MMD: variants seen among roughly 807,000 people sequenced by gnomAD.
MMD encodes monocyte to macrophage differentiation factor.
In MMD, 22 loss-of-function variants were observed where a neutral mutation model predicts 33.6. The observed-to-expected ratio is 0.66, with a 90% CI of 0.47 to 0.94. MMD has a LOEUF of 0.94. Ranked by LOEUF, MMD falls within the 40% of genes least tolerant of loss-of-function variation. The pLI is 0.00. For missense variants in MMD, 242 were observed against 309.8 expected (o/e 0.78, Z 1.64); for synonymous variants, 97 against 103.2 (o/e 0.94, Z 0.36).
chr17:55,404,636 CAA>C lies in MMD; in HGVS notation c.345-770_345-769del, dbSNP rs1416002183. The C allele has an allele frequency of 2.9e-5, 29 of 984,832 alleles. No homozygotes were observed. In the African/African-American group the frequency reaches 4.2e-4, roughly 14 times the overall value. 61.0% of individuals were successfully genotyped at this position (984,832 alleles called of 1,614,324 possible). ...GTGTCTCCATTATCAGTCTCTCTGC[CAA>C]GAGAGAGTATGAGAAGAATTATTCC... On this transcript the variant is annotated intron_variant, in intron 4 of 6. Transcript: ENST00000262065.
At chr17:55,397,275 C>T (rs973614898) in intron 6 of MMD, among the ~76,000 whole-genome samples, 6 of 151,772 alleles carry the variant, frequency 4.0e-5, no homozygotes, top group Non-Finnish European at 8.8e-5. Context: ...GATTCTCCTG[C>T]CTCAGCCTCC....
chr17:55,401,618 TA>T lies in MMD; in HGVS notation c.447-81del, dbSNP rs1023927073. The stretch of plus-strand genomic sequence containing the variant: ...AATTTACATACCAGCCTTTCCTTTT[TA>T]CTTTTGAGAAAGAAATGTAAACTCT... On this transcript the variant is annotated intron_variant, in intron 5 of 6. Transcript: ENST00000262065. The T allele has an allele frequency of 5.8e-6, 7 of 1,206,334 alleles. No homozygotes were observed. The African/African-American group carries it at 1.1e-4, about 19-fold the overall frequency. 74.7% of individuals were successfully genotyped at this position (1,206,334 alleles called of 1,614,324 possible).
intron 2 of MMD, 51 bp from the exon 3 acceptor site, chr17:55,411,468 T>C (rs746885558): frequency 6.5e-7 from 1 of 1,534,246 alleles, no homozygotes; most frequent in South Asian, 1.3e-5. Context: ...TTTTATGGAA[T>C]TGAGTCTTTT....
chr17:55,404,720 T>C (rs1397267981), intron 4 of MMD: 1 of 985,184 alleles, frequency 1.0e-6, no homozygotes, highest in African/African-American at 1.7e-5. Context: ...GTTGTGAGGT[T>C]TGAATTTTAA....
chr17:55,417,743 G>C (rs1452996273), intron 1 of MMD, among the ~76,000 whole-genome samples: 1 of 152,174 alleles, frequency 6.6e-6, no homozygotes, highest in Non-Finnish European at 1.5e-5. Context: ...CTGCAACAGT[G>C]AGTTGTGATG....
At chr17:55,397,165 T>A (rs115379435) in intron 6 of MMD, among the ~76,000 whole-genome samples, 2 of 152,134 alleles carry the variant, frequency 1.3e-5, no homozygotes, top group African/African-American at 2.4e-5. Context: ...CCTGGTTTAT[T>A]TATTTATTTA....
chr17:55,394,432 T>C lies in MMD; in HGVS notation c.619A>G (p.Ile207Val), dbSNP rs780432368. ...GCCGTGGCCACAAACAGGTGCCAGA[T>C]GGCGTGGGCAAATGGAATGATGCCA... ...SDGIIPFAHA[I>V]WHLFVATAAA... The change falls in exon 7 of 7, where the codon ATC (isoleucine) becomes GTC (valine). Residue 207 changes from isoleucine (I) to valine (V), a missense_variant. Ile to Val is a conservative substitution (Grantham distance 29, BLOSUM62 3). Coordinates refer to ENST00000262065, the MANE Select transcript of MMD (RefSeq NM_012329.3). The C allele has an allele frequency of 2.0e-6, 3 of 1,525,184 alleles. No individual in the cohort carries two copies. The highest frequency in any genetic ancestry group is 1.8e-6 in the Non-Finnish European group (2 of 1,141,578). The allele number at this position is 1,525,184 out of a possible 1,614,324, so 94.5% of individuals were successfully genotyped here. A position where few individuals can be genotyped will look rare whatever the true frequency, so the allele number is the denominator to read the frequency against.
rs755956591 is a variant in MMD, at chr17:55,421,745, G to A, written c.-50C>T. The A allele has an allele frequency of 1.9e-6, 3 of 1,559,704 alleles. No homozygotes were observed. The highest frequency in any genetic ancestry group is 2.4e-5 in the East Asian group (1 of 41,492). Reference sequence around the variant, plus strand: ...CCAGGAGCTCCGTCTCGTCAGCACCGGCGGCCGGGCGCGCGGCCCTCATGG... The same window carrying A: ...CCAGGAGCTCCGTCTCGTCAGCACCAGCGGCCGGGCGCGCGGCCCTCATGG... On this transcript the variant is annotated 5_prime_UTR_variant, in exon 1 of 7. Coordinates refer to ENST00000262065, the MANE Select transcript of MMD (RefSeq NM_012329.3).
intron 1 of MMD, among the ~76,000 whole-genome samples, chr17:55,416,458 C>A (rs1306150626): frequency 1.3e-5 from 2 of 152,146 alleles, no homozygotes; most frequent in African/African-American, 4.8e-5. Flanking sequence ...TCCTGATGCA[C>A]AGGGTAAGAC....
At position 55,394,340 on chromosome 17, in the gene MMD, A is replaced by G. The variant is rs1907020909; in HGVS notation, c.711T>C (p.His237=). The G allele has an allele frequency of 7.3e-7, 1 of 1,374,260 alleles. No individual in the cohort carries two copies. Among genetic ancestry groups the G allele is most frequent in the African/African-American group, 1.5e-5 (1 of 67,110 alleles). 85.1% of individuals were successfully genotyped at this position (1,374,260 alleles called of 1,614,324 possible). The change falls in exon 7 of 7, where the codon CAT becomes CAC. Residue 237 remains histidine (H), a synonymous_variant. Coordinates refer to ENST00000262065, the MANE Select transcript of MMD (RefSeq NM_012329.3). Reference sequence around the variant, plus strand: ...GAGAATTAGTACAGATTGGTCATAAATGCCGCATAAAGTCCGTAGGACTTC... The same window carrying G: ...GAGAATTAGTACAGATTGGTCATAAGTGCCGCATAAAGTCCGTAGGACTTC... The part of the protein sequence containing the change: ...LYRSPTDFMR[H]L
At position 55,414,209 on chromosome 17, in the gene MMD, G is replaced by T. The variant is rs761422712; in HGVS notation, c.50C>A (p.Ala17Asp). The T allele has an allele frequency of 6.2e-7, 1 of 1,613,868 alleles. No individual in the cohort carries two copies. Among genetic ancestry groups the T allele is most frequent in the Non-Finnish European group, 8.5e-7 (1 of 1,179,814 alleles). The change falls in exon 2 of 7, where the codon GCC becomes GAC. Residue 17 changes from alanine to aspartate, a missense_variant. By Grantham distance (126) the Ala-to-Asp change is moderately radical. Coordinates refer to ENST00000262065, the MANE Select transcript of MMD (RefSeq NM_012329.3). ...FQRFMNHRAP[A>D]NGRYKPTCYE... ...GCAAGTTGGCTTGTAGCGGCCATTG[G>T]CTGGAGCTCGATGGTTCATGAACCT... is the stretch of plus-strand genomic sequence containing the variant.
chr17:55,414,819 C>T (rs941455299), intron 1 of MMD, among the ~76,000 whole-genome samples: 1 of 152,164 alleles, frequency 6.6e-6, no homozygotes, highest in African/African-American at 2.4e-5. Flanking sequence ...TGACACCTGG[C>T]TACCTCTAGG....
chr17:55,420,091 G>GT (rs533778756), intron 1 of MMD: 4 of 151,908 alleles, frequency 2.6e-5, no homozygotes, highest in African/African-American at 7.3e-5. Flanking sequence ...GGGTTTGTTT[G>GT]TTTTTTTTCT....
chr17:55,396,363 G>C (rs544145020), intron 6 of MMD, among the ~76,000 whole-genome samples: 1 of 152,172 alleles, frequency 6.6e-6, no homozygotes, highest in South Asian at 2.1e-4. Context: ...CTGCCTTTTA[G>C]TTGGAGTGTT....
In MMD at chr17:55,394,239, AT is replaced by A. The variant is rs1907017952; in HGVS notation, c.*94del. On this transcript the variant is annotated 3_prime_UTR_variant, in exon 7 of 7. Transcript: ENST00000262065. ...CAAAAGATATAAAGTCAGTGCAGTT[AT>A]TTTTTTTCTTTCCCTGTGCAATGTT... The A allele has an allele frequency of 4.1e-5, 37 of 899,196 alleles. No individual in the cohort carries two copies. The highest frequency in any genetic ancestry group is 4.8e-5 in the Non-Finnish European group (31 of 645,328). 55.7% of individuals were successfully genotyped at this position (899,196 alleles called of 1,614,324 possible). A position where few individuals can be genotyped will look rare whatever the true frequency, so the allele number is the denominator to read the frequency against.
intron 1 of MMD, among the ~76,000 whole-genome samples, chr17:55,415,632 C>T (rs1276586841): frequency 1.3e-5 from 2 of 152,078 alleles, no homozygotes; most frequent in African/African-American, 2.4e-5. Flanking sequence ...AGCCTGTTAT[C>T]GTTAGATCAA....
chr17:55,400,358 G>A (rs1455507396), intron 6 of MMD, among the ~76,000 whole-genome samples: 2 of 152,042 alleles, frequency 1.3e-5, no homozygotes, highest in Non-Finnish European at 2.9e-5. Flanking sequence ...GAACAGACTA[G>A]CCAACTTGGT....
At position 55,393,885 on chromosome 17, in the gene MMD, G is replaced by A. The variant is rs1907007482; in HGVS notation, c.*449C>T. 6.5e-6 allele frequency: 1 copy of A among 152,822 alleles called. No individual in the cohort carries two copies. The allele number at this position is 152,822 out of a possible 1,614,324, so 9.5% of individuals were successfully genotyped here. ...TTAAAAAAGAACCATGTTATGCCAA[G>A]ATGAAACATGGTAAAAAGTAGTGTA... is the stretch of plus-strand genomic sequence containing the variant. On this transcript the variant is annotated 3_prime_UTR_variant, in exon 7 of 7. Transcript: ENST00000262065.
intron 1 of MMD, among the ~76,000 whole-genome samples, chr17:55,418,861 G>A (rs1908070715): frequency 6.6e-6 from 1 of 152,208 alleles, no homozygotes; most frequent in South Asian, 2.1e-4. Flanking sequence ...GGTTGGGGCT[G>A]AGGAAAAGGG....
Sources: allele counts gnomAD v4.1 joint callset (sites outside exome capture counted in the v4.1 genomes callset), GRCh38; gene constraint gnomAD v4.1.1; transcripts MANE v1.5; gene names NCBI Gene and HGNC (gene_info 2026-07-23, HGNC 2026-07-21).